Variants in STEAP1B observed in about 807,000 individuals in gnomAD.
STEAP1B encodes STEAP family member 1B.
A neutral mutation model predicts 27.9 loss-of-function variants in STEAP1B; 13 were observed. That is an observed-to-expected ratio of 0.47 (90% confidence interval 0.30 to 0.74). The LOEUF is 0.74. Among genes scored for constraint, STEAP1B ranks in the 30% least tolerant of loss-of-function variants. STEAP1B has a pLI of 0.06. For missense variants in STEAP1B, 250 were observed against 298.7 expected (o/e 0.84, Z 1.20); for synonymous variants, 86 against 107.1 (o/e 0.80, Z 1.22).
intron 4 of STEAP1B, among the ~76,000 whole-genome samples, chr7:22,464,000 A>ACATCACTCTGATGTAGGTTG (rs1785727016): frequency 6.6e-6 from 1 of 151,954 alleles, no homozygotes; most frequent in Non-Finnish European, 1.5e-5. Flanking sequence ...AAAAGAAACT[A>ACATCACTCTGATGTAGGTTG]CCATCAGAGT....
At chr7:22,458,819 T>C (rs1440521553) in intron 4 of STEAP1B, among the ~76,000 whole-genome samples, 2 of 151,344 alleles carry the variant, frequency 1.3e-5, no homozygotes, top group African/African-American at 4.9e-5. Flanking sequence ...GAGTTTCTAC[T>C]GTTATCCTGG....
chr7:22,437,598 C>A (rs1785270947), intron 4 of STEAP1B, among the ~76,000 whole-genome samples: 1 of 152,186 alleles, frequency 6.6e-6, no homozygotes, highest in Admixed American at 6.5e-5. Flanking sequence ...ATACTGATTT[C>A]ATTTCCTTTG....
Position 22,449,775 on chromosome 7 carries a change from G to GTTTGTTTTCTCCGTATC in STEAP1B, c.763-29940_763-29939insGATACGGAGAAAACAAA, listed in dbSNP as rs1193905528. 2.0e-5 allele frequency among the ~76,000 whole-genome samples: 3 copies of GTTTGTTTTCTCCGTATC among 152,284 alleles called. No homozygotes were observed. In the East Asian group the frequency reaches 5.8e-4, roughly 29 times the overall value. ...ACATTCCCACCAACAGGGTACAAGG[G>GTTTGTTTTCTCCGTATC]TTTGCTTTTCTCCGTATCTTTGCCA... On this transcript the variant is annotated intron_variant, in intron 4 of 4. Coordinates refer to ENST00000678116, the MANE Select transcript of STEAP1B (RefSeq NM_001382447.1).
At chr7:22,423,412 T>C (rs915260028) in intron 4 of STEAP1B, among the ~76,000 whole-genome samples, 45 of 152,152 alleles carry the variant, frequency 3.0e-4, no homozygotes, top group African/African-American at 1.1e-3. Context: ...CATCCGTCAG[T>C]GGACAATTAT....
At chr7:22,459,499 A>G (rs2128407345) in intron 4 of STEAP1B, among the ~76,000 whole-genome samples, 1 of 152,378 alleles carries the variant, frequency 6.6e-6, no homozygotes, top group East Asian at 1.9e-4. Flanking sequence ...AGACCTGAGT[A>G]ATGATGTCTA....
intron 4 of STEAP1B, among the ~76,000 whole-genome samples, chr7:22,482,702 T>G (rs557485919): frequency 1.3e-5 from 2 of 152,296 alleles, no homozygotes; most frequent in East Asian, 3.9e-4. Context: ...AGGGCAATTC[T>G]CCAGAGAATG....
chr7:22,460,662 T>C (rs28658060), intron 4 of STEAP1B, among the ~76,000 whole-genome samples: 2,875 of 152,140 alleles, frequency 0.019, 115 homozygotes, highest in African/African-American at 0.066. Flanking sequence ...AGAAAGGTCA[T>C]TGCTACACCA....
chr7:22,465,101 A>T (rs1562576649), intron 4 of STEAP1B, among the ~76,000 whole-genome samples: 1 of 151,444 alleles, frequency 6.6e-6, no homozygotes, highest in Non-Finnish European at 1.5e-5. Flanking sequence ...AAGCACTGTG[A>T]CAGTTCATTT....
chr7:22,461,854 T>C (rs75358963), intron 4 of STEAP1B, among the ~76,000 whole-genome samples: 2,364 of 152,316 alleles, frequency 0.016, 30 homozygotes, highest in South Asian at 0.068. Context: ...TGTTAAGTCG[T>C]TGGAACCTCA....
At chr7:22,498,776 G>C (rs1786485015) in intron 1 of STEAP1B, among the ~76,000 whole-genome samples, 1 of 152,050 alleles carries the variant, frequency 6.6e-6, no homozygotes, top group South Asian at 2.1e-4. Flanking sequence ...GGGGTAGCTA[G>C]CAGGTTGGCA....
chr7:22,473,205 AAGG>A (rs1408055877), intron 4 of STEAP1B, among the ~76,000 whole-genome samples: 7 of 152,192 alleles, frequency 4.6e-5, no homozygotes, highest in Non-Finnish European at 8.8e-5. Flanking sequence ...GATGTTTTGC[AAGG>A]AGAAGAAACT....
chr7:22,438,707 T>C lies in STEAP1B; in HGVS notation c.763-18871A>G, dbSNP rs754942244. On this transcript the variant is annotated intron_variant, in intron 4 of 4. Transcript: ENST00000678116. ...CCTACCAGTTGTGTCTTGGCCAGTT[T>C]AGTGGCCTGAAAGTTGCACAAAGCT... is the stretch of plus-strand genomic sequence containing the variant. 15 of 1,551,742 alleles carry C rather than the reference T, an allele frequency of 9.7e-6. 1 individual carries two copies. The South Asian group carries it at 1.8e-4, about 18-fold the overall frequency.
intron 4 of STEAP1B, among the ~76,000 whole-genome samples, chr7:22,441,044 A>T (rs988170779): frequency 6.6e-5 from 10 of 151,092 alleles, no homozygotes; most frequent in African/African-American, 1.9e-4. Context: ...TTTAATAAAA[A>T]TTTTTTTCTA....
intron 4 of STEAP1B, among the ~76,000 whole-genome samples, chr7:22,445,769 G>T (rs1231731128): frequency 6.6e-6 from 1 of 152,228 alleles, no homozygotes; most frequent in Admixed American, 6.5e-5. Flanking sequence ...TTCTCACAAG[G>T]GCTGATGAAA....
At chr7:22,452,720 T>C (rs1785510793) in intron 4 of STEAP1B, among the ~76,000 whole-genome samples, 1 of 152,204 alleles carries the variant, frequency 6.6e-6, no homozygotes. Context: ...AAGCAGGAAC[T>C]ACATGGTTCC....
intron 4 of STEAP1B, among the ~76,000 whole-genome samples, chr7:22,481,340 T>C (rs998401005): frequency 6.6e-6 from 1 of 152,230 alleles, no homozygotes; most frequent in African/African-American, 2.4e-5. Flanking sequence ...TTACTACCTG[T>C]GTGCCTTTAG....
intron 4 of STEAP1B, among the ~76,000 whole-genome samples, chr7:22,485,498 A>G (rs1049792346): frequency 8.5e-5 from 13 of 152,102 alleles, no homozygotes; most frequent in Admixed American, 3.3e-4. Context: ...CAACTTTTTT[A>G]TTTTTTTAGA....
chr7:22,451,962 TA>T (rs1785498948), intron 4 of STEAP1B, among the ~76,000 whole-genome samples: 1 of 152,212 alleles, frequency 6.6e-6, no homozygotes, highest in Non-Finnish European at 1.5e-5. Flanking sequence ...GTAGGATTGG[TA>T]TTAGTGGTTC....
intron 4 of STEAP1B, among the ~76,000 whole-genome samples, chr7:22,477,791 A>G (rs1163161421): frequency 6.6e-6 from 1 of 152,084 alleles, no homozygotes; most frequent in Non-Finnish European, 1.5e-5. Context: ...GGGAAAAGTT[A>G]ACTTAAAAAG....
Sources: allele counts gnomAD v4.1 joint callset (sites outside exome capture counted in the v4.1 genomes callset), GRCh38; gene constraint gnomAD v4.1.1; transcripts MANE v1.5; gene names NCBI Gene and HGNC (gene_info 2026-07-23, HGNC 2026-07-21).